CCDC60: variants seen among roughly 807,000 people sequenced by gnomAD.
CCDC60 encodes the protein coiled-coil domain containing 60, also known as coiled-coil domain-containing protein 60.
CCDC60 carries 54 observed loss-of-function variants against 63.5 expected under a neutral mutation model. The observed-to-expected ratio is 0.85, with a 90% CI of 0.68 to 1.07. CCDC60 has a LOEUF of 1.07. Among genes scored for constraint, CCDC60 ranks in the 50% least tolerant of loss-of-function variants. The pLI is 0.00. For missense variants in CCDC60, 651 were observed against 684.3 expected (o/e 0.95, Z 0.54); for synonymous variants, 206 against 238.8 (o/e 0.86, Z 1.27).
rs970897538 is a variant in CCDC60 at position 119,424,345 on chromosome 12, A to T, written c.91-4338A>T. Among the ~76,000 whole-genome samples the T allele has an allele frequency of 7.2e-5, 11 of 152,364 alleles. No homozygotes were observed. The East Asian group carries it at 2.1e-3, about 29-fold the overall frequency. On this transcript the variant is annotated intron_variant, in intron 1 of 13. Coordinates refer to ENST00000327554, the MANE Select transcript of CCDC60 (RefSeq NM_178499.5). Reference sequence around the variant, plus strand: ...ACATTAGTGAATAAACAGCCATAGCAGCACTAAGTGGTAGCACCAAGACTC... The same window carrying T: ...ACATTAGTGAATAAACAGCCATAGCTGCACTAAGTGGTAGCACCAAGACTC...
chr12:119,521,309 A>T (rs1952522072), intron 9 of CCDC60, among the ~76,000 whole-genome samples: 1 of 152,152 alleles, frequency 6.6e-6, no homozygotes, highest in Admixed American at 6.5e-5. Context: ...TCCCATCTGC[A>T]TTCATGGACC....
intron 1 of CCDC60, among the ~76,000 whole-genome samples, chr12:119,425,811 C>T (rs890002460): frequency 6.6e-6 from 1 of 152,176 alleles, no homozygotes; most frequent in African/African-American, 2.4e-5. Flanking sequence ...CAAACTGGGT[C>T]ACATGACCAT....
At chr12:119,399,341 A>C (rs773196907) in intron 1 of CCDC60, among the ~76,000 whole-genome samples, 3 of 152,154 alleles carry the variant, frequency 2.0e-5, no homozygotes, top group Non-Finnish European at 4.4e-5. Flanking sequence ...CAACTTAATT[A>C]ATCATCTTCT....
chr12:119,457,915 A>G (rs1023250698), intron 2 of CCDC60, among the ~76,000 whole-genome samples: 3 of 152,224 alleles, frequency 2.0e-5, no homozygotes, highest in Non-Finnish European at 4.4e-5. Flanking sequence ...TATTGTATAA[A>G]CAGGGCATTC....
chr12:119,477,905 C>T (rs1275017860), intron 3 of CCDC60, among the ~76,000 whole-genome samples: 2 of 151,074 alleles, frequency 1.3e-5, no homozygotes, highest in Non-Finnish European at 3.0e-5. Context: ...TGCACACACG[C>T]ACACACACAC....
intron 7 of CCDC60, among the ~76,000 whole-genome samples, chr12:119,505,682 C>G (rs186313110): frequency 6.6e-6 from 1 of 152,116 alleles, no homozygotes; most frequent in Non-Finnish European, 1.5e-5. Flanking sequence ...ATGGTGAAAC[C>G]CTGTCTCTAC....
chr12:119,363,420 C>T (rs1477201500), intron 1 of CCDC60, among the ~76,000 whole-genome samples: 1 of 99,892 alleles, frequency 1.0e-5, no homozygotes, highest in East Asian at 4.4e-4. Context: ...AGGTATGAGT[C>T]CTCTGTGTGT....
At chr12:119,531,468 A>G (rs903289377) in intron 13 of CCDC60, among the ~76,000 whole-genome samples, 80 of 152,192 alleles carry the variant, frequency 5.3e-4, no homozygotes, top group Non-Finnish European at 1.0e-4. Flanking sequence ...TCTTGTATGC[A>G]CAATACAGTT....
intron 9 of CCDC60, 77 bp downstream of exon 9, chr12:119,520,269 TC>T: frequency 1.7e-6 from 2 of 1,174,948 alleles, no homozygotes; most frequent in Non-Finnish European, 1.2e-6. Flanking sequence ...GGGATGCTCC[TC>T]CCCAGACCAT....
chr12:119,489,514 G>A (rs1283404943), intron 5 of CCDC60, among the ~76,000 whole-genome samples: 1 of 152,172 alleles, frequency 6.6e-6, no homozygotes, highest in Non-Finnish European at 1.5e-5. Flanking sequence ...CCAGAGGAGA[G>A]AGCTCACATA....
intron 2 of CCDC60, among the ~76,000 whole-genome samples, chr12:119,467,188 G>C (rs1042217534): frequency 5.3e-5 from 8 of 152,354 alleles, no homozygotes; most frequent in Middle Eastern, 6.8e-3. Flanking sequence ...CTTCAATAAA[G>C]CTGTTTTCTT....
chr12:119,490,633 T>C (rs1047067107), intron 5 of CCDC60, among the ~76,000 whole-genome samples: 3 of 151,982 alleles, frequency 2.0e-5, no homozygotes, highest in Non-Finnish European at 4.4e-5. Context: ...GTCACAATCA[T>C]GGCTCACCAC....
At chr12:119,523,551 G>C in intron 10 of CCDC60, 142 bp from the exon 11 acceptor site, 3 of 1,071,728 alleles carry the variant, frequency 2.8e-6, no homozygotes, top group Non-Finnish European at 4.0e-6. Flanking sequence ...GGAGGCTCCA[G>C]GTGAGGGCAG....
rs946557925 is a variant in CCDC60, at chr12:119,359,942, C to T, written c.90+24676C>T. ...TCTCCCATGTCTACTTCTTTCTACA[C>T]AGACACGGCAACCATCCCATTTCTC... On this transcript the variant is annotated intron_variant, in intron 1 of 13. Transcript: ENST00000327554. 2.6e-5 allele frequency among the ~76,000 whole-genome samples: 4 copies of T among 152,026 alleles called. No homozygotes were observed. The East Asian group carries it at 7.8e-4, about 30-fold the overall frequency.
chr12:119,433,611 TAA>T (rs1216705787), intron 2 of CCDC60: 1 of 701,802 alleles, frequency 1.4e-6, no homozygotes, highest in Admixed American at 2.0e-5. Flanking sequence ...ATCCCAGTAT[TAA>T]ATGAGGCGAA....
chr12:119,419,800 C>A (rs1009169678), intron 1 of CCDC60, among the ~76,000 whole-genome samples: 3 of 151,984 alleles, frequency 2.0e-5, no homozygotes, highest in Non-Finnish European at 4.4e-5. Flanking sequence ...TCTACCACCT[C>A]TCCCTGACAA....
chr12:119,374,196 G>T (rs570383788), intron 1 of CCDC60, among the ~76,000 whole-genome samples: 49 of 152,246 alleles, frequency 3.2e-4, no homozygotes, highest in Admixed American at 2.4e-3. Context: ...AGAGACTTAA[G>T]ATCTGAGGGC....
chr12:119,336,885 G>A (rs563823313), intron 1 of CCDC60, among the ~76,000 whole-genome samples: 2 of 152,144 alleles, frequency 1.3e-5, no homozygotes, highest in Admixed American at 6.5e-5. Context: ...ATAACTGGAC[G>A]AGCACAACTG....
intron 4 of CCDC60, 113 bp downstream of exon 4, chr12:119,479,314 G>A: frequency 1.4e-6 from 1 of 695,260 alleles, no homozygotes; most frequent in Non-Finnish European, 2.5e-6. Context: ...CTCTTGAAAG[G>A]GACATGGAGC....
Sources: gnomAD v4.1 joint callset for allele counts (sites outside exome capture counted in the v4.1 genomes callset) on GRCh38, gnomAD v4.1.1 for gene constraint, MANE v1.5 for transcripts, NCBI Gene and HGNC (gene_info 2026-07-23, HGNC 2026-07-21) for gene names.